PPM1L: variants seen among roughly 807,000 people sequenced by gnomAD.
PPM1L encodes protein phosphatase, Mg2+/Mn2+ dependent 1L, also known as protein phosphatase 1L.
PPM1L carries 13 observed loss-of-function variants against 31.4 expected under a neutral mutation model. The ratio of observed to expected loss-of-function variants is 0.41; its 90% CI spans 0.27 to 0.66. The LOEUF (loss-of-function observed/expected upper bound fraction) is 0.66, where lower values mean the gene tolerates loss of function less well. PPM1L is among the 30% of genes least tolerant of loss of function. PPM1L has a pLI of 0.29. For missense variants in PPM1L, 326 were observed against 453.7 expected (o/e 0.72, Z 2.56); for synonymous variants, 184 against 175.4 (o/e 1.05, Z -0.39).
At chr3:160,999,659 T>A (rs1204578682) in intron 2 of PPM1L, among the ~76,000 whole-genome samples, 1 of 152,226 alleles carries the variant, frequency 6.6e-6, no homozygotes, top group Non-Finnish European at 1.5e-5. Flanking sequence ...AGACATAGCT[T>A]CCTGTAATTC....
intron 2 of PPM1L, among the ~76,000 whole-genome samples, chr3:161,007,429 G>C (rs1344840264): frequency 1.3e-5 from 2 of 152,194 alleles, no homozygotes; most frequent in Non-Finnish European, 2.9e-5. Context: ...AGCTTGATGG[G>C]TTTGAGGGAA....
chr3:160,771,280 C>A (rs1250514504), intron 1 of PPM1L, among the ~76,000 whole-genome samples: 1 of 151,574 alleles, frequency 6.6e-6, no homozygotes, highest in Non-Finnish European at 1.5e-5. Context: ...TTTTTTGAGA[C>A]AGGTCTCACT....
intron 1 of PPM1L, among the ~76,000 whole-genome samples, chr3:160,884,128 A>G (rs1712828599): frequency 6.6e-6 from 1 of 152,152 alleles, no homozygotes; most frequent in Non-Finnish European, 1.5e-5. Flanking sequence ...CTATCCCTAA[A>G]GAATTTACCA....
intron 1 of PPM1L, among the ~76,000 whole-genome samples, chr3:160,905,551 A>G (rs1713727949): frequency 6.6e-6 from 1 of 152,186 alleles, no homozygotes; most frequent in Non-Finnish European, 1.5e-5. Flanking sequence ...TCTTTGTTTA[A>G]TACTTGTAAT....
intron 2 of PPM1L, among the ~76,000 whole-genome samples, chr3:161,055,717 G>A (rs896462682): frequency 2.0e-5 from 3 of 151,376 alleles, no homozygotes; most frequent in Admixed American, 2.0e-4. Context: ...TCTATGTCTC[G>A]CCCCCTTTCG....
intron 1 of PPM1L, among the ~76,000 whole-genome samples, chr3:160,870,080 A>G (rs1252784321): frequency 2.0e-5 from 3 of 152,112 alleles, no homozygotes; most frequent in African/African-American, 7.2e-5. Flanking sequence ...AGCACCTGCC[A>G]CTTTCCCTTC....
chr3:160,928,714 G>A (rs1411673425), intron 1 of PPM1L, among the ~76,000 whole-genome samples: 1 of 152,066 alleles, frequency 6.6e-6, no homozygotes, highest in Non-Finnish European at 1.5e-5. Flanking sequence ...CCTTATAAGA[G>A]GGCTGGAGGG....
intron 1 of PPM1L, among the ~76,000 whole-genome samples, chr3:160,923,211 C>G (rs1714472744): frequency 6.6e-6 from 1 of 152,168 alleles, no homozygotes; most frequent in Non-Finnish European, 1.5e-5. Flanking sequence ...CTTTTAGGAT[C>G]TCACTATAGA....
At chr3:160,779,391 C>A (rs1257067920) in intron 1 of PPM1L, among the ~76,000 whole-genome samples, 2 of 152,118 alleles carry the variant, frequency 1.3e-5, no homozygotes, top group African/African-American at 4.8e-5. Flanking sequence ...ACTTCTACAC[C>A]CTGAACTTAG....
chr3:160,992,973 C>T (rs1310187306), intron 2 of PPM1L, among the ~76,000 whole-genome samples: 1 of 152,112 alleles, frequency 6.6e-6, no homozygotes, highest in Non-Finnish European at 1.5e-5. Context: ...CAAACTGAGC[C>T]ATAACCTGAC....
intron 1 of PPM1L, among the ~76,000 whole-genome samples, chr3:160,778,485 A>G (rs1195470792): frequency 6.6e-6 from 1 of 152,166 alleles, no homozygotes; most frequent in Non-Finnish European, 1.5e-5. Flanking sequence ...ATCTAAACAC[A>G]CTGAATTACT....
chr3:161,025,619 C>G (rs934165084), intron 2 of PPM1L, among the ~76,000 whole-genome samples: 8 of 151,260 alleles, frequency 5.3e-5, no homozygotes, highest in African/African-American at 1.9e-4. Context: ...ATTTGGTTAG[C>G]TTGCCCTTCT....
intron 2 of PPM1L, among the ~76,000 whole-genome samples, chr3:161,028,263 C>T (rs1718465948): frequency 6.6e-6 from 1 of 152,020 alleles, no homozygotes; most frequent in Admixed American, 6.5e-5. Flanking sequence ...TGAAACGGCA[C>T]GTGTAAATTC....
At chr3:160,779,283 C>T (rs986000468) in intron 1 of PPM1L, among the ~76,000 whole-genome samples, 2 of 152,116 alleles carry the variant, frequency 1.3e-5, no homozygotes, top group South Asian at 2.1e-4. Flanking sequence ...CTCCAGAAGG[C>T]AGAGAAGGGG....
At chr3:160,763,815 G>C (rs1715033416) in intron 1 of PPM1L, among the ~76,000 whole-genome samples, 1 of 152,150 alleles carries the variant, frequency 6.6e-6, no homozygotes, top group African/African-American at 2.4e-5. Context: ...TGAAACTCAG[G>C]AGCGTGGGCC....
chr3:160,899,489 C>T (rs898179893), intron 1 of PPM1L, among the ~76,000 whole-genome samples: 3 of 152,108 alleles, frequency 2.0e-5, no homozygotes, highest in Non-Finnish European at 4.4e-5. Context: ...TTTTAAAATA[C>T]AAAGAATGAA....
intron 1 of PPM1L, among the ~76,000 whole-genome samples, chr3:160,850,251 C>A (rs539846746): frequency 1.3e-5 from 2 of 152,138 alleles, no homozygotes; most frequent in Non-Finnish European, 2.9e-5. Context: ...GAAAGAGATT[C>A]ATAGAGCAAG....
intron 1 of PPM1L, among the ~76,000 whole-genome samples, chr3:160,902,414 G>A (rs1176016085): frequency 6.6e-6 from 1 of 152,020 alleles, no homozygotes; most frequent in Non-Finnish European, 1.5e-5. Context: ...GTCATTCCCT[G>A]TTACTCTCAC....
chr3:161,025,209 C>T (rs78956181), intron 2 of PPM1L, among the ~76,000 whole-genome samples: 7,078 of 152,008 alleles, frequency 0.047, 421 homozygotes, highest in African/African-American at 0.12. Context: ...GAGGTGGGGC[C>T]TTTAAGAGGT....
Sources: allele counts gnomAD v4.1 joint callset (sites outside exome capture counted in the v4.1 genomes callset), GRCh38; gene constraint gnomAD v4.1.1; transcripts MANE v1.5; gene names NCBI Gene and HGNC (gene_info 2026-07-23, HGNC 2026-07-21).